Variants in LTBP1 observed in about 807,000 individuals in gnomAD.
LTBP1 encodes latent-transforming growth factor beta-binding protein 1.
Under a neutral mutation model 207.6 loss-of-function variants are expected in LTBP1, and 129 were observed. The observed-to-expected ratio is 0.62, with a 90% CI of 0.54 to 0.72. The LOEUF is 0.72. Among genes scored for constraint, LTBP1 ranks in the 30% least tolerant of loss-of-function variants. LTBP1 has a pLI of 0.00. For missense variants in LTBP1, 2,281 were observed against 2,217.2 expected (o/e 1.03, Z -0.58); for synonymous variants, 963 against 833.7 (o/e 1.16, Z -2.67).
intron 3 of LTBP1, among the ~76,000 whole-genome samples, chr2:33,061,232 C>T (rs781738890): frequency 3.3e-5 from 5 of 152,078 alleles, no homozygotes; most frequent in Non-Finnish European, 5.9e-5. Flanking sequence ...TTTCTTAATG[C>T]CTTTCAGACT....
intron 31 of LTBP1, among the ~76,000 whole-genome samples, chr2:33,370,755 C>T (rs974328387): frequency 6.6e-6 from 1 of 152,214 alleles, no homozygotes; most frequent in African/African-American, 2.4e-5. Flanking sequence ...GCCTGTCAGA[C>T]ATCATGCATC....
At chr2:33,072,779 T>A (rs947629963) in intron 3 of LTBP1, among the ~76,000 whole-genome samples, 2 of 152,190 alleles carry the variant, frequency 1.3e-5, no homozygotes, top group African/African-American at 4.8e-5. Flanking sequence ...TCAGAAACAT[T>A]GCTGGTTGCC....
intron 3 of LTBP1, among the ~76,000 whole-genome samples, chr2:33,088,342 C>G (rs182505301): frequency 5.6e-4 from 86 of 152,234 alleles, no homozygotes; most frequent in African/African-American, 2.0e-3. Flanking sequence ...ATCCCAGCTA[C>G]TCTGGAGGCT....
chr2:32,993,443 A>G (rs751010329), intron 2 of LTBP1, among the ~76,000 whole-genome samples: 3 of 152,130 alleles, frequency 2.0e-5, no homozygotes, highest in Non-Finnish European at 2.9e-5. Context: ...TCATATATAC[A>G]AGTTCAATCC....
intron 9 of LTBP1, among the ~76,000 whole-genome samples, chr2:33,230,044 G>A (rs1443780625): frequency 6.6e-6 from 1 of 152,100 alleles, no homozygotes; most frequent in African/African-American, 2.4e-5. Flanking sequence ...AAATGAAATC[G>A]AACTTGCTCA....
chr2:33,367,289 T>C (rs2095001993), intron 31 of LTBP1, among the ~76,000 whole-genome samples: 2 of 152,186 alleles, frequency 1.3e-5, no homozygotes, highest in Admixed American at 1.3e-4. Flanking sequence ...TTAACATCTG[T>C]TATATCAAGA....
intron 15 of LTBP1, among the ~76,000 whole-genome samples, chr2:33,266,488 C>A (rs920853311): frequency 1.3e-5 from 2 of 152,152 alleles, no homozygotes. Flanking sequence ...GCTGCCAGTT[C>A]CAGGTGTAGT....
At chr2:33,262,452 C>A (rs2093041882) in intron 13 of LTBP1, among the ~76,000 whole-genome samples, 1 of 151,854 alleles carries the variant, frequency 6.6e-6, no homozygotes, top group African/African-American at 2.4e-5. Flanking sequence ...AGACTTTGGG[C>A]CTCAGGGAAA....
rs778796324 is a variant in LTBP1, at chr2:33,263,335, G to A, written c.2560G>A (p.Ala854Thr). The A allele has an allele frequency of 6.2e-7, 1 of 1,613,936 alleles. No homozygotes were observed. The highest frequency in any genetic ancestry group is 1.1e-5 in the South Asian group (1 of 91,070). Residue 854 changes from alanine (A) to threonine (T), a missense_variant, in exon 15 of 34, where the codon GCT (alanine) becomes ACT (threonine). By Grantham distance (58) the Ala-to-Thr change is moderately conservative. Around this residue, in one of 3 missense-constraint regions of LTBP1, gnomAD observed 1,671 missense variants for 1,634.8 expected, o/e 1.02. Transcript: ENST00000404816. ...KTSPPVPVEV[A>T]PEASTSSASQ... ...ATCACCTCCTGTGCCTGTTGAAGTA[G>A]CTCCTGAAGCTTCTACGTCTAGTGC...
At chr2:33,282,520 G>A (rs1048613711) in intron 19 of LTBP1, among the ~76,000 whole-genome samples, 11 of 152,156 alleles carry the variant, frequency 7.2e-5, no homozygotes, top group Non-Finnish European at 8.8e-5. Flanking sequence ...ATTGCAGCAT[G>A]CCTTTCTACT....
At chr2:33,054,464 A>G (rs1310547406) in intron 3 of LTBP1, among the ~76,000 whole-genome samples, 1 of 152,104 alleles carries the variant, frequency 6.6e-6, no homozygotes, top group Non-Finnish European at 1.5e-5. Context: ...TCCCTCCTCA[A>G]GTAGGGGACA....
intron 1 of LTBP1, 120 bp downstream of exon 1, chr2:32,947,938 C>T: frequency 1.2e-6 from 1 of 823,434 alleles, no homozygotes; most frequent in Non-Finnish European, 1.6e-6. Flanking sequence ...CGCGGTGGGT[C>T]GGCTTTCTCC....
chr2:33,154,729 T>C (rs1365889900), intron 5 of LTBP1, among the ~76,000 whole-genome samples: 1 of 152,218 alleles, frequency 6.6e-6, no homozygotes, highest in Non-Finnish European at 1.5e-5. Context: ...GTTATGTGTT[T>C]ATTTAATTTG....
intron 4 of LTBP1, among the ~76,000 whole-genome samples, chr2:33,116,454 T>G (rs896011493): frequency 1.3e-5 from 2 of 152,210 alleles, no homozygotes; most frequent in African/African-American, 4.8e-5. Flanking sequence ...TAAACAGATA[T>G]AGCTCTGGCT....
chr2:33,296,064 C>G (rs1297046339), intron 20 of LTBP1, among the ~76,000 whole-genome samples: 1 of 152,144 alleles, frequency 6.6e-6, no homozygotes, highest in Non-Finnish European at 1.5e-5. Flanking sequence ...CTCCTCAGAC[C>G]AAATTAAATA....
At chr2:33,298,064 A>G (rs946804782) in intron 20 of LTBP1, among the ~76,000 whole-genome samples, 12 of 152,184 alleles carry the variant, frequency 7.9e-5, no homozygotes, top group Non-Finnish European at 1.8e-4. Context: ...GTACATTCAC[A>G]TGTCGGGGGT....
At chr2:33,201,932 A>G (rs1449166008) in intron 7 of LTBP1, among the ~76,000 whole-genome samples, 2 of 152,072 alleles carry the variant, frequency 1.3e-5, no homozygotes, top group Non-Finnish European at 2.9e-5. Context: ...AACAGAATGG[A>G]CCATTGGAGA....
At chr2:33,078,161 A>T (rs1415966835) in intron 3 of LTBP1, among the ~76,000 whole-genome samples, 1 of 152,220 alleles carries the variant, frequency 6.6e-6, no homozygotes, top group Non-Finnish European at 1.5e-5. Flanking sequence ...ATGAAATGTG[A>T]TAACTGCTGT....
chr2:33,160,217 C>G (rs1474255720), intron 5 of LTBP1, among the ~76,000 whole-genome samples: 2 of 152,140 alleles, frequency 1.3e-5, no homozygotes, highest in African/African-American at 2.4e-5. Context: ...AGAAAGAATT[C>G]AACTTTAAAA....
Sources: allele counts gnomAD v4.1 joint callset (sites outside exome capture counted in the v4.1 genomes callset), GRCh38; gene constraint gnomAD v4.1.1; regional missense constraint gnomAD v4.1.1; transcripts MANE v1.5; gene names NCBI Gene and HGNC (gene_info 2026-07-23, HGNC 2026-07-21).